Variants in RALGAPA2 observed in about 807,000 individuals in gnomAD.
The protein encoded by RALGAPA2 is Ral GTPase activating protein catalytic subunit alpha 2.
In RALGAPA2, 139 loss-of-function variants were observed where a neutral mutation model predicts 230.4. That is an observed-to-expected ratio of 0.60 (90% CI 0.53 to 0.69). The LOEUF (loss-of-function observed/expected upper bound fraction) is 0.69. RALGAPA2 is among the 30% of genes least tolerant of loss of function. The probability of loss-of-function intolerance (pLI) is 0.00; values close to 1 mark genes in which losing one functional copy is unlikely to be tolerated. For synonymous variants in RALGAPA2, 847 were observed against 837.8 expected (o/e 1.01, Z -0.19); for missense variants, 2,163 against 2,276.0 (o/e 0.95, Z 1.01).
intron 19 of RALGAPA2, among the ~76,000 whole-genome samples, chr20:20,584,616 T>TA (rs1475690872): frequency 6.6e-6 from 1 of 151,972 alleles, no homozygotes; most frequent in Non-Finnish European, 1.5e-5. Context: ...CTCATCTCTA[T>TA]AAAAAATAGA....
intron 37 of RALGAPA2, 103 bp downstream of exon 37, chr20:20,472,726 T>G: frequency 7.7e-7 from 1 of 1,297,564 alleles, no homozygotes. Context: ...AAAATTCTCT[T>G]CCCTCTTCAA....
chr20:20,623,611 A>ATCC (rs1469128222), intron 10 of RALGAPA2, among the ~76,000 whole-genome samples: 1 of 152,034 alleles, frequency 6.6e-6, no homozygotes, highest in Non-Finnish European at 1.5e-5. Flanking sequence ...TTCTCACCAG[A>ATCC]TCCTCCAGGT....
intron 23 of RALGAPA2, among the ~76,000 whole-genome samples, chr20:20,555,911 C>T (rs2064070065): frequency 6.6e-6 from 1 of 151,788 alleles, no homozygotes; most frequent in African/African-American, 2.4e-5. Context: ...ATTTTCTTAC[C>T]TAAGTTCACT....
At chr20:20,626,254 A>T (rs1371958977) in intron 10 of RALGAPA2, among the ~76,000 whole-genome samples, 2 of 152,250 alleles carry the variant, frequency 1.3e-5, no homozygotes, top group Non-Finnish European at 2.9e-5. Flanking sequence ...TCATTGACCA[A>T]CAGAGCAATA....
At chr20:20,562,029 T>C (rs758490472) in intron 23 of RALGAPA2, among the ~76,000 whole-genome samples, 1 of 152,182 alleles carries the variant, frequency 6.6e-6, no homozygotes, top group Non-Finnish European at 1.5e-5. Context: ...GTAATGAAAG[T>C]TGACTAGCTC....
intron 26 of RALGAPA2, among the ~76,000 whole-genome samples, chr20:20,534,057 A>C (rs73290969): frequency 0.011 from 1,674 of 152,276 alleles, 25 homozygotes; most frequent in African/African-American, 0.038. Flanking sequence ...AAAATTGACA[A>C]ATTTTTGGCA....
At chr20:20,665,047 T>C (rs1765977198) in intron 3 of RALGAPA2, among the ~76,000 whole-genome samples, 1 of 152,200 alleles carries the variant, frequency 6.6e-6, no homozygotes, top group African/African-American at 2.4e-5. Context: ...AATAGACTTA[T>C]AATAGCAAGT....
At chr20:20,615,508 T>C (rs2066113340) in intron 13 of RALGAPA2, among the ~76,000 whole-genome samples, 1 of 152,172 alleles carries the variant, frequency 6.6e-6, no homozygotes, top group South Asian at 2.1e-4. Flanking sequence ...ATGCATTGTT[T>C]ACCTGTAGGG....
chr20:20,678,863 A>G (rs959938707), intron 2 of RALGAPA2, among the ~76,000 whole-genome samples: 4 of 151,666 alleles, frequency 2.6e-5, no homozygotes, highest in Non-Finnish European at 4.4e-5. Flanking sequence ...TAACAACCAC[A>G]CTGATGAGCT....
intron 37 of RALGAPA2, among the ~76,000 whole-genome samples, chr20:20,412,417 A>G (rs1286174258): frequency 1.3e-5 from 2 of 152,172 alleles, no homozygotes; most frequent in Non-Finnish European, 2.9e-5. Flanking sequence ...ACATCATAAG[A>G]TCATTAGGGT....
chr20:20,689,087 A>G (rs979839130), intron 1 of RALGAPA2, among the ~76,000 whole-genome samples: 1 of 152,268 alleles, frequency 6.6e-6, no homozygotes. Context: ...TCTATTATAT[A>G]AAAGTCTCTA....
chr20:20,645,105 G>GTTTT (rs1491054470), intron 4 of RALGAPA2, among the ~76,000 whole-genome samples: 1 of 107,874 alleles, frequency 9.3e-6, no homozygotes, highest in African/African-American at 3.2e-5. Context: ...TGGTGGTGGT[G>GTTTT]CTTTTTTTTT....
intron 5 of RALGAPA2, 53 bp from the exon 6 acceptor site, chr20:20,640,931 C>T: frequency 2.1e-6 from 3 of 1,462,498 alleles, no homozygotes; most frequent in Non-Finnish European, 2.8e-6. Context: ...TACAGAAATG[C>T]ATTACAATGT....
intron 1 of RALGAPA2, among the ~76,000 whole-genome samples, chr20:20,686,471 G>A (rs1381116310): frequency 6.6e-6 from 1 of 151,762 alleles, no homozygotes; most frequent in Non-Finnish European, 1.5e-5. Flanking sequence ...GACTCAACCT[G>A]GGAGGAGCCG....
At chr20:20,505,247 C>A (rs2062498252) in intron 34 of RALGAPA2, 164 bp downstream of exon 34, 4 of 918,716 alleles carry the variant, frequency 4.4e-6, no homozygotes, top group Non-Finnish European at 5.2e-6. Context: ...TAAATACTGA[C>A]AAGCAACTAA....
chr20:20,457,721 C>G (rs1489808794), intron 37 of RALGAPA2, among the ~76,000 whole-genome samples: 1 of 152,196 alleles, frequency 6.6e-6, no homozygotes, highest in Non-Finnish European at 1.5e-5. Flanking sequence ...AAATCTCTGC[C>G]CTCACGCAGG....
chr20:20,710,848 G>T (rs962450712), intron 1 of RALGAPA2, among the ~76,000 whole-genome samples: 3 of 152,142 alleles, frequency 2.0e-5, no homozygotes, highest in Non-Finnish European at 4.4e-5. Flanking sequence ...CACAGAAAAA[G>T]GCTCAAAGTA....
chr20:20,475,079 G>A (rs992060857), intron 36 of RALGAPA2, among the ~76,000 whole-genome samples: 3 of 152,182 alleles, frequency 2.0e-5, no homozygotes, highest in Non-Finnish European at 2.9e-5. Context: ...CCTGCTAAAT[G>A]AGTTACATTC....
intron 36 of RALGAPA2, among the ~76,000 whole-genome samples, chr20:20,478,341 T>G (rs2061696235): frequency 6.6e-6 from 1 of 151,908 alleles, no homozygotes; most frequent in Non-Finnish European, 1.5e-5. Flanking sequence ...TAGGCACCCA[T>G]CTCAAGAAGT....
Sources: allele counts gnomAD v4.1 joint callset (sites outside exome capture counted in the v4.1 genomes callset), GRCh38; gene constraint gnomAD v4.1.1; transcripts MANE v1.5; gene names NCBI Gene and HGNC (gene_info 2026-07-23, HGNC 2026-07-21).